RYR3: variants seen among roughly 807,000 people sequenced by gnomAD.
The protein encoded by RYR3 is brain ryanodine receptor-calcium release channel.
Under a neutral mutation model 584.3 loss-of-function variants are expected in RYR3, and 207 were observed. That is an observed-to-expected ratio of 0.35 (90% CI 0.32 to 0.40). The LOEUF (loss-of-function observed/expected upper bound fraction) is 0.40, where lower values mean the gene tolerates loss of function less well. Ranked by LOEUF, RYR3 falls within the 10% of genes least tolerant of loss-of-function variation. RYR3 has a pLI of 1.00. For synonymous variants in RYR3, 2,416 were observed against 2,248.5 expected (o/e 1.07, Z -2.11); for missense variants, 5,616 against 6,089.2 (o/e 0.92, Z 2.59).
At chr15:33,437,053 A>G (rs2045785516) in intron 1 of RYR3, among the ~76,000 whole-genome samples, 1 of 151,990 alleles carries the variant, frequency 6.6e-6, no homozygotes, top group African/African-American at 2.4e-5. Context: ...GTAATGATTT[A>G]TACTTTCAAC....
At chr15:33,814,400 T>C (rs2076698056) in intron 74 of RYR3, among the ~76,000 whole-genome samples, 1 of 152,240 alleles carries the variant, frequency 6.6e-6, no homozygotes, top group Non-Finnish European at 1.5e-5. Flanking sequence ...TCAGGGAAAT[T>C]AAACTGACTT....
At chr15:33,857,943 C>G (rs747179987) in intron 99 of RYR3, 29 bp downstream of exon 99, 2 of 1,610,158 alleles carry the variant, frequency 1.2e-6, no homozygotes, top group Non-Finnish European at 1.7e-6. Flanking sequence ...CGGGGCCAGC[C>G]CACCCACTGC....
chr15:33,770,421 G>A (rs2152885968), intron 62 of RYR3, among the ~76,000 whole-genome samples: 1 of 152,294 alleles, frequency 6.6e-6, no homozygotes, highest in African/African-American at 2.4e-5. Context: ...GCAGGTTGGT[G>A]TGTTTAGTAA....
chr15:33,405,618 ATACT>A (rs1392930057), intron 1 of RYR3, among the ~76,000 whole-genome samples: 7 of 152,218 alleles, frequency 4.6e-5, no homozygotes, highest in African/African-American at 1.4e-4. Flanking sequence ...TGCTTCACTG[ATACT>A]TACAAGCAAG....
Position 33,701,027 on chromosome 15 carries a change from G to A in RYR3, c.6430G>A (p.Val2144Met). ...CCCGCTGGATGTGGCAGCTTCCTCTGTGATGGACAACAATGAGTTAGCGCT... is the reference window on the plus strand; with the variant it reads ...CCCGCTGGATGTGGCAGCTTCCTCTATGATGGACAACAATGAGTTAGCGCT... The part of the protein sequence containing the change: ...STPLDVAASS[V>M]MDNNELALSL... Residue 2144 changes from valine to methionine, a missense_variant, in exon 42 of 104, where the codon GTG (valine) becomes ATG (methionine). Val to Met is a conservative substitution (Grantham distance 21). This residue lies in a region of RYR3 where 1,280 missense variants were observed against 1,426.2 expected (regional missense o/e 0.90). Transcript: ENST00000634891. 1 of 1,613,580 alleles carries A rather than the reference G, an allele frequency of 6.2e-7. No individual in the cohort carries two copies. The highest frequency in any genetic ancestry group is 8.5e-7 in the Non-Finnish European group (1 of 1,179,774).
At chr15:33,313,870 T>C (rs561077614) in intron 1 of RYR3, among the ~76,000 whole-genome samples, 2 of 152,288 alleles carry the variant, frequency 1.3e-5, no homozygotes, top group African/African-American at 4.8e-5. Flanking sequence ...AATCAAATTG[T>C]TAGTGGTTGT....
At chr15:33,652,627 G>A in intron 31 of RYR3, 91 bp from the exon 32 acceptor site, 2 of 1,350,248 alleles carry the variant, frequency 1.5e-6, no homozygotes, top group East Asian at 2.5e-5. Context: ...GAAAGTTTCT[G>A]TAGCCATTTT....
rs2063026031 is a variant in RYR3 at position 33,659,601 on chromosome 15, A to C, written c.4309-119A>C. 3.6e-5 allele frequency: 25 copies of C among 685,980 alleles called. No homozygotes were observed. The South Asian group carries it at 4.3e-4, about 12-fold the overall frequency. The allele number at this position is 685,980 out of a possible 1,614,324, so 42.5% of individuals were successfully genotyped here. A position where few individuals can be genotyped will look rare whatever the true frequency, so the allele number is the denominator to read the frequency against. On this transcript the variant is annotated intron_variant, in intron 32 of 103. Transcript: ENST00000634891. ...CTCTGCGAATTTCTGAGCAGTGGAG[A>C]ATGACCAGACAGCTAGCAGTCATTG...
At chr15:33,578,944 G>A (rs566798706) in intron 12 of RYR3, among the ~76,000 whole-genome samples, 64 of 152,304 alleles carry the variant, frequency 4.2e-4, no homozygotes, top group Admixed American at 7.8e-4. Context: ...AGGAGATGGG[G>A]AAATGAAGGG....
At chr15:33,754,964 T>G (rs752499873) in intron 57 of RYR3, 101 bp from the exon 58 acceptor site, 3 of 680,966 alleles carry the variant, frequency 4.4e-6, no homozygotes, top group Non-Finnish European at 8.0e-6. Context: ...GAATAACCAC[T>G]AACATTTGGA....
intron 27 of RYR3, among the ~76,000 whole-genome samples, chr15:33,643,596 A>G (rs2061947812): frequency 6.6e-6 from 1 of 151,760 alleles, no homozygotes; most frequent in Non-Finnish European, 1.5e-5. Context: ...TGTAAATTGT[A>G]TTTTGTTAAC....
At chr15:33,329,854 G>T (rs1044266546) in intron 1 of RYR3, among the ~76,000 whole-genome samples, 3 of 152,152 alleles carry the variant, frequency 2.0e-5, no homozygotes, top group Non-Finnish European at 2.9e-5. Context: ...GGTTACTGTT[G>T]TATTTGTCTG....
At chr15:33,789,424 T>C (rs1195418404) in intron 67 of RYR3, among the ~76,000 whole-genome samples, 9 of 149,692 alleles carry the variant, frequency 6.0e-5, no homozygotes, top group African/African-American at 1.5e-4. Flanking sequence ...CCATAGAAAC[T>C]GAAAGTGGAT....
intron 42 of RYR3, among the ~76,000 whole-genome samples, chr15:33,704,765 G>GTT: frequency 6.6e-6 from 1 of 152,150 alleles, no homozygotes; most frequent in Non-Finnish European, 1.5e-5. Flanking sequence ...GCAAAGACAT[G>GTT]GAGCCTCCAT....
chr15:33,610,154 A>G (rs576149855), intron 18 of RYR3, among the ~76,000 whole-genome samples: 1 of 152,224 alleles, frequency 6.6e-6, no homozygotes, highest in Admixed American at 6.5e-5. Context: ...TTGCCCCACC[A>G]TATCTCCCTC....
chr15:33,511,434 G>C (rs2052993206), intron 3 of RYR3, among the ~76,000 whole-genome samples: 1 of 150,294 alleles, frequency 6.7e-6, no homozygotes, highest in Non-Finnish European at 1.5e-5. Context: ...TCCATTTACT[G>C]TTTTGTTTTT....
At chr15:33,451,027 A>G (rs2047084390) in intron 1 of RYR3, among the ~76,000 whole-genome samples, 1 of 152,178 alleles carries the variant, frequency 6.6e-6, no homozygotes. Context: ...GTTAGAGGCA[A>G]ATCTGTGCTG....
chr15:33,699,846 T>G lies in RYR3; in HGVS notation c.6379+13T>G. The G allele has an allele frequency of 6.2e-7, 1 of 1,605,538 alleles. No homozygotes were observed. Among genetic ancestry groups the G allele is most frequent in the Non-Finnish European group, 8.5e-7 (1 of 1,173,484 alleles). On this transcript the variant is annotated intron_variant, in intron 41 of 103. Coordinates refer to ENST00000634891, the MANE Select transcript of RYR3 (RefSeq NM_001036.6). ...AGTGTTGGCCTAGGTGCGTAAGTCT[T>G]CTTGTAACTTCCACATCCAAACTCG...
chr15:33,533,993 T>C (rs2055106102), intron 5 of RYR3, among the ~76,000 whole-genome samples: 1 of 152,180 alleles, frequency 6.6e-6, no homozygotes, highest in African/African-American at 2.4e-5. Context: ...AGTAAAATAA[T>C]GAAAACCATG....
Sources: allele counts gnomAD v4.1 joint callset (sites outside exome capture counted in the v4.1 genomes callset), GRCh38; gene constraint gnomAD v4.1.1; regional missense constraint gnomAD v4.1.1; transcripts MANE v1.5; gene names NCBI Gene and HGNC (gene_info 2026-07-23, HGNC 2026-07-21).